Variants in SMCHD1 observed in about 807,000 individuals in gnomAD.
The protein encoded by SMCHD1 is structural maintenance of chromosomes flexible hinge domain containing 1.
Under a neutral mutation model 254.7 loss-of-function variants are expected in SMCHD1, and 78 were observed. The observed-to-expected ratio is 0.31, with a 90% CI of 0.26 to 0.37. The LOEUF (loss-of-function observed/expected upper bound fraction) is 0.37, where lower values mean the gene tolerates loss of function less well. Ranked by LOEUF, SMCHD1 falls within the 10% of genes least tolerant of loss-of-function variation. The pLI is 1.00. For synonymous variants in SMCHD1, 766 were observed against 794.9 expected (o/e 0.96, Z 0.61); for missense variants, 1,840 against 2,408.1 (o/e 0.76, Z 4.94).
chr18:2,678,830 T>G lies in SMCHD1; in HGVS notation c.638+4685T>G, dbSNP rs1319862741. Among the ~76,000 whole-genome samples, 17 of 17,904 alleles carry G rather than the reference T, an allele frequency of 9.5e-4. No homozygotes were observed. In the Admixed American group the frequency reaches 0.017, roughly 18 times the overall value. The allele number at this position is 17,904 out of a possible 152,430, so 11.7% of individuals were successfully genotyped here. A position where few individuals can be genotyped will look rare whatever the true frequency, so the allele number is the denominator to read the frequency against. On this transcript the variant is annotated intron_variant, in intron 5 of 47. Transcript: ENST00000320876. Reference sequence around the variant, plus strand: ...TAATCTTTCCGTTTTTTGTTTTTTTTTTTTTTTTGTTTGTTTGTTTTTTTG... The same window carrying G: ...TAATCTTTCCGTTTTTTGTTTTTTTGTTTTTTTTGTTTGTTTGTTTTTTTG...
chr18:2,726,654 C>A, intron 22 of SMCHD1, 130 bp downstream of exon 22: 1 of 383,070 alleles, frequency 2.6e-6, no homozygotes. Context: ...AATGTCAAAC[C>A]ATAGCACTGA....
rs1307799942 is a variant in SMCHD1, at chr18:2,718,996, TC to T, written c.2458+567del. Reference sequence around the variant, plus strand: ...CTGACCCTGGGCATATTGCCCCTCCTCCCCCAAAACGTTCTCTGTTCCCCAG... The same window carrying T: ...CTGACCCTGGGCATATTGCCCCTCCTCCCCAAAACGTTCTCTGTTCCCCAG... On this transcript the variant is annotated intron_variant, in intron 19 of 47. Transcript: ENST00000320876. The surrounding 1 kb of genome is among the most constrained non-coding windows in gnomAD (Gnocchi z 4.6). Among the ~76,000 whole-genome samples the T allele has an allele frequency of 6.6e-6, 1 of 151,732 alleles. No individual in the cohort carries two copies. Among genetic ancestry groups the T allele is most frequent in the Non-Finnish European group, 1.5e-5 (1 of 67,944 alleles).
Position 2,702,980 on chromosome 18 carries a change from T to C in SMCHD1, c.1648-712T>C, listed in dbSNP as rs144191906. 4.6e-5 allele frequency among the ~76,000 whole-genome samples: 7 copies of C among 152,330 alleles called. No homozygotes were observed. The East Asian group carries it at 1.3e-3, about 29-fold the overall frequency. On this transcript the variant is annotated intron_variant, in intron 12 of 47. Coordinates refer to ENST00000320876, the MANE Select transcript of SMCHD1 (RefSeq NM_015295.3). ...AAGTGTATAGCACCTTATGCTTGAA[T>C]ACAGATTTCTGTATTCTCTCCCAAC...
rs555710782 is a variant in SMCHD1, at chr18:2,729,736, TCTCA to T, written c.3048+331_3048+334del. 2.0e-3 allele frequency among the ~76,000 whole-genome samples: 305 copies of T among 150,280 alleles called. 1 individual carries two copies. Among genetic ancestry groups the T allele is most frequent in the African/African-American group, 7.0e-3 (285 of 40,964 alleles). On this transcript the variant is annotated intron_variant, in intron 24 of 47. Transcript: ENST00000320876. ...TTTTTTTTTTTTTAAAGAGATAGGG[TCTCA>T]CTCTGTTGTCTAGGCTGGAGTGCAG...
chr18:2,689,935 G>A (rs145388206), intron 7 of SMCHD1, among the ~76,000 whole-genome samples: 1 of 150,888 alleles, frequency 6.6e-6, no homozygotes, highest in Non-Finnish European at 1.5e-5. Context: ...GAGGTGGGAG[G>A]ATCACTTGAG....
Position 2,760,733 on chromosome 18 carries a change from T to A in SMCHD1, c.4428T>A (p.Ser1476Arg), listed in dbSNP as rs1453830480. The change falls in exon 35 of 48, where the codon AGT becomes AGA. Residue 1476 changes from serine (S) to arginine (R), a missense_variant. By Grantham distance (110) the Ser-to-Arg change is moderately radical. Transcript: ENST00000320876. Reference protein sequence around the residue: ...FMMDKTNILNSEQVIVEVLPN... With the variant: ...FMMDKTNILNREQVIVEVLPN... ...TGGATAAAACAAATATTCTCAACAGTGAACAGGTTTGCTTACTTTTTTTAT... is the reference window on the plus strand; with the variant it reads ...TGGATAAAACAAATATTCTCAACAGAGAACAGGTTTGCTTACTTTTTTTAT... 1.3e-6 allele frequency: 2 copies of A among 1,595,164 alleles called. No homozygotes were observed. Among genetic ancestry groups the A allele is most frequent in the Non-Finnish European group, 1.7e-6 (2 of 1,164,708 alleles).
intron 45 of SMCHD1, among the ~76,000 whole-genome samples, chr18:2,794,111 A>C (rs894659527): frequency 2.0e-5 from 3 of 152,208 alleles, no homozygotes; most frequent in Non-Finnish European, 2.9e-5. Flanking sequence ...TCAAGTGGCA[A>C]AATCAAGGAT....
At position 2,699,683 on chromosome 18, in the gene SMCHD1, A is replaced by G. The variant is rs910306337; in HGVS notation, c.1343-856A>G. On this transcript the variant is annotated intron_variant, in intron 10 of 47. Transcript: ENST00000320876. The stretch of plus-strand genomic sequence containing the variant: ...TTGCTGTTTCCAATTTTTGTGTGCT[A>G]ATAGACAAAAAGATATAATTTTTTT... 4.5e-4 allele frequency among the ~76,000 whole-genome samples: 69 copies of G among 152,238 alleles called. 1 individual carries two copies. The highest frequency in any genetic ancestry group is 6.8e-4 in the Non-Finnish European group (46 of 68,028).
At position 2,750,185 on chromosome 18, in the gene SMCHD1, G is replaced by A. The variant is rs114469718; in HGVS notation, c.4007+63G>A. 1,328 of 1,482,632 alleles carry A rather than the reference G, an allele frequency of 9.0e-4. 9 individuals are homozygous for A. In the African/African-American group the frequency reaches 0.016, roughly 18 times the overall value. 91.8% of individuals were successfully genotyped at this position (1,482,632 alleles called of 1,614,324 possible). On this transcript the variant is annotated intron_variant, in intron 31 of 47. Transcript: ENST00000320876. ...AGATTCGTTTTTCTTACTGCTTGCCGAAGTTACAGCTAATGACTATCCTTC... is the reference window on the plus strand; with the variant it reads ...AGATTCGTTTTTCTTACTGCTTGCCAAAGTTACAGCTAATGACTATCCTTC...
At chr18:2,715,650 C>T (rs866317458) in intron 17 of SMCHD1, among the ~76,000 whole-genome samples, 2 of 152,172 alleles carry the variant, frequency 1.3e-5, no homozygotes, top group Non-Finnish European at 1.5e-5. Context: ...GCCAGGAGTT[C>T]AAGACCATCC....
intron 47 of SMCHD1, among the ~76,000 whole-genome samples, chr18:2,800,084 A>G (rs1158648946): frequency 6.6e-6 from 1 of 152,114 alleles, no homozygotes. Context: ...ATTGGGAAAT[A>G]GTCTAGAAAT....
chr18:2,698,699 T>G (rs1050320071), intron 10 of SMCHD1, among the ~76,000 whole-genome samples: 15 of 150,866 alleles, frequency 9.9e-5, no homozygotes, highest in African/African-American at 7.4e-5. Context: ...AGTAGAGAGA[T>G]AGGGATTTAA....
chr18:2,798,365 A>G (rs1276416454), intron 47 of SMCHD1, among the ~76,000 whole-genome samples: 1 of 152,218 alleles, frequency 6.6e-6, no homozygotes, highest in Admixed American at 6.5e-5. Context: ...GTGTTGGGGC[A>G]GTTTAGCATC....
chr18:2,718,839 C>T lies in SMCHD1; in HGVS notation c.2458+405C>T, dbSNP rs2074859862. On this transcript the variant is annotated intron_variant, in intron 19 of 47. Coordinates refer to ENST00000320876, the MANE Select transcript of SMCHD1 (RefSeq NM_015295.3). This position sits in a 1 kb window ranked among gnomAD's most constrained non-coding sequence, Gnocchi z 4.6. ...AAGTGCTGGGATTACAGATGTGAGCCACCGTGCCCGGCCCATTTTGATTTT... is the reference window on the plus strand; with the variant it reads ...AAGTGCTGGGATTACAGATGTGAGCTACCGTGCCCGGCCCATTTTGATTTT... 6.6e-6 allele frequency among the ~76,000 whole-genome samples: 1 copy of T among 152,174 alleles called. No homozygotes were observed. Among genetic ancestry groups the T allele is most frequent in the African/African-American group, 2.4e-5 (1 of 41,428 alleles).
At position 2,763,701 on chromosome 18, in the gene SMCHD1, C is replaced by G. The variant is rs2075823318; in HGVS notation, c.4631C>G (p.Ser1544Cys). ...VGTIIATIKG[S>C]NEEDTDTPLF... Reference sequence around the variant, plus strand: ...ACTATAATAGCCACCATTAAAGGCTCTAATGAGGAAGATACTGATACCCCA... The same window carrying G: ...ACTATAATAGCCACCATTAAAGGCTGTAATGAGGAAGATACTGATACCCCA... The change falls in exon 37 of 48, where the codon TCT (serine) becomes TGT (cysteine). Residue 1544 changes from serine (S) to cysteine (C), a missense_variant. Coordinates refer to ENST00000320876, the MANE Select transcript of SMCHD1 (RefSeq NM_015295.3). 1.9e-6 allele frequency: 3 copies of G among 1,607,756 alleles called. No homozygotes were observed. The highest frequency in any genetic ancestry group is 2.5e-6 in the Non-Finnish European group (3 of 1,176,744).
At position 2,802,919 on chromosome 18, in the gene SMCHD1, T is replaced by C. The variant is rs1381486856; in HGVS notation, c.*367T>C. ...TTTTTCAGTATAAATATAATGAACA[T>C]GTCAGAACTATTTCTTGAAAACCTT... is the stretch of plus-strand genomic sequence containing the variant. On this transcript the variant is annotated 3_prime_UTR_variant, in exon 48 of 48. Coordinates refer to ENST00000320876, the MANE Select transcript of SMCHD1 (RefSeq NM_015295.3). 1.1e-5 allele frequency: 2 copies of C among 179,832 alleles called. No homozygotes were observed. Among genetic ancestry groups the C allele is most frequent in the African/African-American group, 4.7e-5 (2 of 42,642 alleles). The allele number at this position is 179,832 out of a possible 1,614,324, so 11.1% of individuals were successfully genotyped here. A position where few individuals can be genotyped will look rare whatever the true frequency, so the allele number is the denominator to read the frequency against.
intron 45 of SMCHD1, among the ~76,000 whole-genome samples, chr18:2,794,401 G>A (rs764769704): frequency 2.0e-4 from 31 of 152,130 alleles, no homozygotes; most frequent in Non-Finnish European, 4.0e-4. Context: ...AGCTATTCAC[G>A]AGGCTAAGAT....
chr18:2,760,325 A>G (rs185643652), intron 34 of SMCHD1: 1 of 175,170 alleles, frequency 5.7e-6, no homozygotes, highest in African/African-American at 2.4e-5. Context: ...AGAAATTCAT[A>G]AAGTAGAAAT....
chr18:2,695,696 C>A (rs2074272085), intron 8 of SMCHD1, among the ~76,000 whole-genome samples: 2 of 152,032 alleles, frequency 1.3e-5, no homozygotes, highest in South Asian at 4.1e-4. Context: ...CTGAGACTTG[C>A]AAAATGGGTA....
Sources: gnomAD v4.1 joint callset for allele counts (sites outside exome capture counted in the v4.1 genomes callset) on GRCh38, gnomAD v4.1.1 for gene constraint, Gnocchi (gnomAD v3.1) non-coding constraint, MANE v1.5 for transcripts, NCBI Gene and HGNC (gene_info 2026-07-23, HGNC 2026-07-21) for gene names.